Variants in NXN observed in about 807,000 individuals in gnomAD.
The protein encoded by NXN is nucleoredoxin.
Under a neutral mutation model 48.6 loss-of-function variants are expected in NXN, and 16 were observed. The observed-to-expected ratio is 0.33, with a 90% CI of 0.22 to 0.50. The LOEUF is 0.50. Ranked by LOEUF, NXN falls within the 20% of genes least tolerant of loss-of-function variation. The pLI, the probability that NXN is intolerant of heterozygous loss-of-function variation, is 0.98. For synonymous variants in NXN, 281 were observed against 269.6 expected (o/e 1.04, Z -0.41); for missense variants, 492 against 605.5 (o/e 0.81, Z 1.97).
rs1335956031 is a variant in NXN at position 917,106 on chromosome 17, A to AT, written c.360+62212dup. ...AAACATCCGCTTTGCCTCCAACAAG[A>AT]TTCCCTGTTCCTAAGTGAACCAAGG... On this transcript the variant is annotated intron_variant, in intron 1 of 7. Coordinates refer to ENST00000336868, the MANE Select transcript of NXN (RefSeq NM_022463.5). This position sits in a 1 kb window ranked among gnomAD's most constrained non-coding sequence, Gnocchi z 4.5. Among the ~76,000 whole-genome samples, 1 of 151,784 alleles carries AT rather than the reference A, an allele frequency of 6.6e-6. No homozygotes were observed. The highest frequency in any genetic ancestry group is 1.5e-5 in the Non-Finnish European group (1 of 67,982).
At position 830,925 on chromosome 17, in the gene NXN, G is replaced by T. The variant is rs140154633; in HGVS notation, c.361-4847C>A. On this transcript the variant is annotated intron_variant, in intron 1 of 7. Transcript: ENST00000336868. This position sits in a 1 kb window ranked among gnomAD's most constrained non-coding sequence, Gnocchi z 4.2. Reference sequence around the variant, plus strand: ...TGAGGCAGGAGAATCACTTGAACCCGGGAGGCGGAGGTTGCTGTGAGCCGA... The same window carrying T: ...TGAGGCAGGAGAATCACTTGAACCCTGGAGGCGGAGGTTGCTGTGAGCCGA... Among the ~76,000 whole-genome samples, 1 of 151,794 alleles carries T rather than the reference G, an allele frequency of 6.6e-6. No homozygotes were observed. Among genetic ancestry groups the T allele is most frequent in the African/African-American group, 2.4e-5 (1 of 41,296 alleles).
intron 1 of NXN, among the ~76,000 whole-genome samples, chr17:909,094 G>A (rs1420426733): frequency 1.6e-4 from 17 of 106,286 alleles, no homozygotes; most frequent in Non-Finnish European, 2.8e-4. Flanking sequence ...GTGAGACTTC[G>A]TCTCAAAAAA....
At chr17:805,634 G>C (rs928223298) in intron 5 of NXN, among the ~76,000 whole-genome samples, 5 of 151,556 alleles carry the variant, frequency 3.3e-5, no homozygotes, top group Admixed American at 6.6e-5. Context: ...GTCAGGAGTT[G>C]GAGACCAGCC....
At chr17:898,198 C>G (rs978832750) in intron 1 of NXN, among the ~76,000 whole-genome samples, 1 of 152,160 alleles carries the variant, frequency 6.6e-6, no homozygotes, top group African/African-American at 2.4e-5. Context: ...CGAGGCTGGT[C>G]TGTGCATTCC....
At chr17:814,241 A>G (rs1912343541) in intron 5 of NXN, among the ~76,000 whole-genome samples, 1 of 152,180 alleles carries the variant, frequency 6.6e-6, no homozygotes, top group African/African-American at 2.4e-5. Context: ...CCTGGGTGAT[A>G]GAGTGAGACT....
chr17:856,435 A>C (rs2067986613), intron 1 of NXN, among the ~76,000 whole-genome samples: 1 of 151,732 alleles, frequency 6.6e-6, no homozygotes, highest in Non-Finnish European at 1.5e-5. Flanking sequence ...CATGCTTTAC[A>C]ACGGGAGTCT....
chr17:817,306 TA>T (rs1008168060), intron 5 of NXN, among the ~76,000 whole-genome samples: 5 of 152,290 alleles, frequency 3.3e-5, no homozygotes, highest in African/African-American at 1.2e-4. Context: ...AATTAAATAT[TA>T]TTTTTTTTAA....
intron 1 of NXN, among the ~76,000 whole-genome samples, chr17:949,966 C>A (rs1597268608): frequency 6.6e-6 from 1 of 152,012 alleles, no homozygotes; most frequent in South Asian, 2.1e-4. Flanking sequence ...GCAATTAGCC[C>A]CAGGTCCTGG....
At chr17:944,474 G>A (rs913657899) in intron 1 of NXN, among the ~76,000 whole-genome samples, 18 of 152,316 alleles carry the variant, frequency 1.2e-4, no homozygotes, top group African/African-American at 2.9e-4. Flanking sequence ...AAGGCCCTGC[G>A]CTGTGTTCAC....
At chr17:843,831 G>A (rs950326787) in intron 1 of NXN, among the ~76,000 whole-genome samples, 13 of 152,200 alleles carry the variant, frequency 8.5e-5, no homozygotes, top group African/African-American at 2.7e-4. Context: ...GCCATCACAC[G>A]GGTTCGACCC....
At chr17:810,107 C>CGTTACGAGTCCGTGTGAGTGGCGTGCAT (rs1911865914) in intron 5 of NXN, among the ~76,000 whole-genome samples, 3 of 119,574 alleles carry the variant, frequency 2.5e-5, no homozygotes, top group African/African-American at 9.8e-5. Context: ...GTGGCGTGCA[C>CGTTACGAGTCCGTGTGAGTGGCGTGCAT]GTTACGAGTC....
chr17:803,820 G>A lies in NXN; in HGVS notation c.1001-14C>T, dbSNP rs368050513. 1.9e-5 allele frequency: 31 copies of A among 1,613,816 alleles called. No individual in the cohort carries two copies. The highest frequency in any genetic ancestry group is 1.2e-4 in the African/African-American group (9 of 75,064). The stretch of plus-strand genomic sequence containing the variant: ...CATCCTCAGAATCTGTGATTGGGTC[G>A]GGGGTAGAAAAAGACGGGGAGAAAA... On this transcript the variant is annotated splice_polypyrimidine_tract_variant and intron_variant, in intron 6 of 7. Transcript: ENST00000336868.
At chr17:846,413 CAAAAAA>C (rs757262418) in intron 1 of NXN, among the ~76,000 whole-genome samples, 1 of 62,700 alleles carries the variant, frequency 1.6e-5, no homozygotes, top group Non-Finnish European at 3.2e-5. Flanking sequence ...GAAATTGTCT[CAAAAAA>C]AAAAAAAAAA....
intron 1 of NXN, among the ~76,000 whole-genome samples, chr17:911,478 T>C (rs2068635935): frequency 6.6e-6 from 1 of 151,636 alleles, no homozygotes; most frequent in Non-Finnish European, 1.5e-5. Flanking sequence ...TAGCTGGGAC[T>C]ACAGACGCCC....
chr17:912,984 G>C (rs936274698), intron 1 of NXN, among the ~76,000 whole-genome samples: 1 of 151,950 alleles, frequency 6.6e-6, no homozygotes, highest in Non-Finnish European at 1.5e-5. Flanking sequence ...ACGGAAAAAA[G>C]AAAGAAAGAA....
intron 1 of NXN, among the ~76,000 whole-genome samples, chr17:833,961 T>C (rs114400389): frequency 0.022 from 3,317 of 152,294 alleles, 140 homozygotes; most frequent in African/African-American, 0.076. Flanking sequence ...GCAGAGCTCA[T>C]GCCTTCAGGA....
intron 1 of NXN, among the ~76,000 whole-genome samples, chr17:880,369 T>A (rs2068270296): frequency 6.6e-6 from 1 of 152,166 alleles, no homozygotes; most frequent in Admixed American, 6.5e-5. Context: ...AGGCTGTGAT[T>A]AGGACCACAT....
At chr17:950,316 A>G (rs1461374422) in intron 1 of NXN, among the ~76,000 whole-genome samples, 1 of 152,152 alleles carries the variant, frequency 6.6e-6, no homozygotes, top group Non-Finnish European at 1.5e-5. Context: ...GGGGGAAGGG[A>G]GTGGGTACAG....
chr17:876,254 A>G (rs887075137), intron 1 of NXN, among the ~76,000 whole-genome samples: 7 of 148,290 alleles, frequency 4.7e-5, no homozygotes, highest in African/African-American at 7.9e-5. Flanking sequence ...GAAGAGAAGA[A>G]AAGAAAAGAA....
Sources: allele counts gnomAD v4.1 joint callset (sites outside exome capture counted in the v4.1 genomes callset), GRCh38; gene constraint gnomAD v4.1.1; non-coding constraint Gnocchi (gnomAD v3.1); transcripts MANE v1.5; gene names NCBI Gene and HGNC (gene_info 2026-07-23, HGNC 2026-07-21).